The following ASMTL variants were observed in gnomAD, a reference collection of about 807,000 sequenced individuals.
The protein encoded by ASMTL is probable bifunctional dTTP/UTP pyrophosphatase/methyltransferase protein.
A neutral mutation model predicts 60.3 loss-of-function variants in ASMTL; 57 were observed. The ratio of observed to expected loss-of-function variants is 0.95; its 90% CI spans 0.76 to 1.18. The LOEUF is 1.18. ASMTL is among the 50% of genes most tolerant of loss of function. The probability of loss-of-function intolerance (pLI) is 0.00; values close to 1 mark genes in which losing one functional copy is unlikely to be tolerated. For synonymous variants in ASMTL, 419 were observed against 373.0 expected (o/e 1.12, Z -1.42); for missense variants, 981 against 852.6 (o/e 1.15, Z -1.88).
At chrX:1,451,628 AC>A (rs1348330645) in intron 1 of ASMTL, among the ~76,000 whole-genome samples, 1 of 89,586 alleles carries the variant, frequency 1.1e-5, no homozygotes, top group Admixed American at 1.2e-4. Flanking sequence ...CACTCTCCCC[AC>A]CCCCATCCCT....
At chrX:1,418,717 GA>G (rs1276407883) in intron 10 of ASMTL, among the ~76,000 whole-genome samples, 7 of 152,136 alleles carry the variant, frequency 4.6e-5, no homozygotes, top group African/African-American at 1.7e-4. Context: ...TTGCTGAGGG[GA>G]ATCCAGGGGT....
intron 1 of ASMTL, among the ~76,000 whole-genome samples, chrX:1,449,324 G>A (rs1219055738): frequency 1.2e-4 from 18 of 151,574 alleles, no homozygotes. Context: ...TGGCCCTGAC[G>A]CCCATCCTGG....
At chrX:1,410,328 C>T (rs189826903) in intron 12 of ASMTL, among the ~76,000 whole-genome samples, 23 of 146,376 alleles carry the variant, frequency 1.6e-4, no homozygotes, top group Admixed American at 1.0e-3. Context: ...ATCGCTTGAG[C>T]CCAGGAGGTC....
rs778717732 is a variant in ASMTL, at chrX:1,452,709, C to G, written c.93+39G>C. 12 of 1,529,022 alleles carry G rather than the reference C, an allele frequency of 7.8e-6. No individual in the cohort carries two copies. In the Admixed American group the frequency reaches 2.1e-4, roughly 27 times the overall value. The allele number at this position is 1,529,022 out of a possible 1,614,324, so 94.7% of individuals were successfully genotyped here. A position where few individuals can be genotyped will look rare whatever the true frequency, so the allele number is the denominator to read the frequency against. On this transcript the variant is annotated intron_variant, in intron 1 of 12. Coordinates refer to ENST00000381317, the MANE Select transcript of ASMTL (RefSeq NM_004192.4). Reference sequence around the variant, plus strand: ...TGGGCCCTCCGGGGTTCAGCCCCTCCGTCCCCGGTCCCCTGCCCCGCCCAG... The same window carrying G: ...TGGGCCCTCCGGGGTTCAGCCCCTCGGTCCCCGGTCCCCTGCCCCGCCCAG...
In ASMTL at chrX:1,425,619, C is replaced by G. The variant is rs192536011; in HGVS notation, c.966G>C (p.Ala322=). ...LLKDEAPQKA[A]DIASKVDASA... ...AGGCGTCCACTTTGCTGGCAATATC[C>G]GCAGCCTTCTGGGGTGCTTCATCTT... The change falls in exon 8 of 13, where the codon GCG becomes GCC. Residue 322 remains alanine, a synonymous_variant. Transcript: ENST00000381317. 6.8e-6 allele frequency: 11 copies of G among 1,613,682 alleles called. No homozygotes were observed. The highest frequency in any genetic ancestry group is 9.3e-6 in the Non-Finnish European group (11 of 1,179,828).
At chrX:1,406,467 GT>G (rs1455607213) in intron 12 of ASMTL, among the ~76,000 whole-genome samples, 1 of 151,158 alleles carries the variant, frequency 6.6e-6, no homozygotes, top group African/African-American at 2.4e-5. Flanking sequence ...TAGATGATGG[GT>G]ACGTAGATAG....
intron 12 of ASMTL, among the ~76,000 whole-genome samples, chrX:1,407,242 A>G (rs1477737886): frequency 4.8e-5 from 7 of 145,142 alleles, no homozygotes; most frequent in Non-Finnish European, 9.1e-5. Context: ...GTAGGTAGGT[A>G]GATGGATGGA....
chrX:1,430,831 T>A (rs1319253292), intron 6 of ASMTL, among the ~76,000 whole-genome samples: 2 of 146,428 alleles, frequency 1.4e-5, no homozygotes, highest in Non-Finnish European at 3.0e-5. Context: ...TTTATACAAA[T>A]GTATTTATAT....
At chrX:1,443,634 GGACAGACACCGCCATCA>G (rs2149344390) in intron 1 of ASMTL, among the ~76,000 whole-genome samples, 1 of 1,728 alleles carries the variant, frequency 5.8e-4, no homozygotes, top group Non-Finnish European at 3.9e-3. Context: ...CCGCCATCGT[GGACAGACACCGCCATCA>G]TGGACACACA....
intron 5 of ASMTL, among the ~76,000 whole-genome samples, chrX:1,433,813 G>C (rs1394821750): frequency 6.6e-6 from 1 of 152,098 alleles, no homozygotes; most frequent in Non-Finnish European, 1.5e-5. Context: ...AGCACCCTGC[G>C]CTGTGCCTGG....
At chrX:1,419,196 A>G in intron 9 of ASMTL, 82 bp from the exon 10 acceptor site, 1 of 1,534,820 alleles carries the variant, frequency 6.5e-7, no homozygotes, top group Non-Finnish European at 8.9e-7. Context: ...TCGGGGGGAG[A>G]AGTGCAGGGC....
rs185498346 is a variant in ASMTL, at chrX:1,447,666, C to T, written c.93+5082G>A. ...GAGACACACCATCTTGGACACACACCGCCATCTTGGAGAAGCACCACCATC... is the reference window on the plus strand; with the variant it reads ...GAGACACACCATCTTGGACACACACTGCCATCTTGGAGAAGCACCACCATC... On this transcript the variant is annotated intron_variant, in intron 1 of 12. Transcript: ENST00000381317. Among the ~76,000 whole-genome samples, 20 of 147,254 alleles carry T rather than the reference C, an allele frequency of 1.4e-4. No individual in the cohort carries two copies. In the East Asian group the frequency reaches 1.4e-3, roughly 11 times the overall value.
intron 12 of ASMTL, 42 bp from the exon 13 acceptor site, chrX:1,403,531 C>G: frequency 6.3e-7 from 1 of 1,582,950 alleles, no homozygotes; most frequent in Non-Finnish European, 8.7e-7. Context: ...GCCAGCCAGG[C>G]GGGGATCCTT....
chrX:1,421,915 CATT>C, intron 8 of ASMTL, 73 bp from the exon 9 acceptor site: 2 of 1,405,512 alleles, frequency 1.4e-6, no homozygotes, highest in South Asian at 1.2e-5. Context: ...GGGGATGTAT[CATT>C]GAGATGTTAA....
intron 12 of ASMTL, 67 bp downstream of exon 12, chrX:1,412,665 C>T (rs28461371): frequency 0.25 from 402,352 of 1,607,876 alleles, 53,647 homozygotes; most frequent in East Asian, 0.43. Context: ...GCCCGGCCTC[C>T]TTGTAAAACT....
chrX:1,406,635 TGATG>T (rs1226648018), intron 12 of ASMTL, among the ~76,000 whole-genome samples: 7 of 144,516 alleles, frequency 4.8e-5, no homozygotes, highest in African/African-American at 1.0e-4. Flanking sequence ...TGCATGGATG[TGATG>T]GATGGATGGG....
At position 1,403,247 on chromosome X, in the gene ASMTL, T is replaced by A. The variant is rs775243445; in HGVS notation, c.*22A>T. 13 of 1,607,234 alleles carry A rather than the reference T, an allele frequency of 8.1e-6. No homozygotes were observed. Among genetic ancestry groups the A allele is most frequent in the Non-Finnish European group, 8.5e-6 (10 of 1,175,798 alleles). ...TGCAGCCTGGGGGAGGACATCCCTA[T>A]AATGAACATGCTGCCTGGGCTTCAG... On this transcript the variant is annotated 3_prime_UTR_variant, in exon 13 of 13. Transcript: ENST00000381317.
At chrX:1,444,215 T>A (rs1299537205) in intron 1 of ASMTL, among the ~76,000 whole-genome samples, 1 of 151,344 alleles carries the variant, frequency 6.6e-6, no homozygotes, top group African/African-American at 2.4e-5. Flanking sequence ...TGTATTTTTT[T>A]TTTTTTTTTT....
intron 2 of ASMTL, chrX:1,441,596 A>G (rs1331614960): frequency 1.3e-5 from 2 of 152,450 alleles, no homozygotes; most frequent in African/African-American, 2.4e-5. Context: ...TATAATACAT[A>G]GTAATAGATA....
Sources: allele counts gnomAD v4.1 joint callset (sites outside exome capture counted in the v4.1 genomes callset), GRCh38; gene constraint gnomAD v4.1.1; transcripts MANE v1.5; gene names NCBI Gene and HGNC (gene_info 2026-07-23, HGNC 2026-07-21).